Variants in VIRMA observed in about 807,000 individuals in gnomAD.
The protein encoded by VIRMA is protein virilizer homolog.
Under a neutral mutation model 182.4 loss-of-function variants are expected in VIRMA, and 65 were observed. The ratio of observed to expected loss-of-function variants is 0.36; its 90% CI spans 0.29 to 0.44. VIRMA has a LOEUF of 0.44. Ranked by LOEUF, VIRMA falls within the 20% of genes least tolerant of loss-of-function variation. The pLI is 1.00. For synonymous variants in VIRMA, 709 were observed against 743.1 expected (o/e 0.95, Z 0.75); for missense variants, 1,752 against 2,158.1 (o/e 0.81, Z 3.73).
chr8:94,532,646 C>G (rs143000225), intron 5 of VIRMA, among the ~76,000 whole-genome samples: 350 of 152,236 alleles, frequency 2.3e-3, no homozygotes, highest in African/African-American at 8.1e-3. Context: ...TTGCAACCTC[C>G]TGTCAATCTA....
In VIRMA at chr8:94,511,553, A is replaced by C. The variant is rs1563464243; in HGVS notation, c.3022T>G (p.Cys1008Gly). 1 of 1,614,182 alleles carries C rather than the reference A, an allele frequency of 6.2e-7. No homozygotes were observed. Among genetic ancestry groups the C allele is most frequent in the Non-Finnish European group, 8.5e-7 (1 of 1,180,008 alleles). The change falls in exon 13 of 24, where the codon TGC (cysteine) becomes GGC (glycine). Residue 1008 changes from cysteine to glycine, a missense_variant. By Grantham distance (159) the Cys-to-Gly change is radical. Transcript: ENST00000297591. Reference sequence around the variant, plus strand: ...ATAGTTTTAAGAAGAGTGAGTGTGCAGCGAGCCATTGAAATAGTAGTAACT... The same window carrying C: ...ATAGTTTTAAGAAGAGTGAGTGTGCCGCGAGCCATTGAAATAGTAGTAACT... Reference protein sequence around the residue: ...HRVTTISMARCTLTLLKTMLT... With the variant: ...HRVTTISMARGTLTLLKTMLT...
intron 7 of VIRMA, among the ~76,000 whole-genome samples, chr8:94,528,404 A>G (rs1282001045): frequency 6.6e-6 from 1 of 152,164 alleles, no homozygotes; most frequent in Non-Finnish European, 1.5e-5. Context: ...AAGAGCCCCT[A>G]TGATTCTGAA....
In VIRMA at chr8:94,553,460, C is replaced by G. The variant is rs769226207; in HGVS notation, c.-13G>C. On this transcript the variant is annotated 5_prime_UTR_variant, in exon 1 of 24. Transcript: ENST00000297591. ...AGTCCACCGCCATGTTTGCCGCGGG[C>G]GGGGAACAGGGGGGAGGACTTCCGG... 5.0e-6 allele frequency: 8 copies of G among 1,613,822 alleles called. No individual in the cohort carries two copies. The highest frequency in any genetic ancestry group is 2.7e-5 in the African/African-American group (2 of 74,908).
At chr8:94,551,529 A>G (rs748105936) in intron 1 of VIRMA, among the ~76,000 whole-genome samples, 3 of 152,206 alleles carry the variant, frequency 2.0e-5, no homozygotes, top group Non-Finnish European at 4.4e-5. Context: ...CTTGATTTAA[A>G]TGTGATCTCT....
At chr8:94,552,508 C>A (rs1308249571) in intron 1 of VIRMA, among the ~76,000 whole-genome samples, 1 of 151,210 alleles carries the variant, frequency 6.6e-6, no homozygotes, top group Non-Finnish European at 1.5e-5. Flanking sequence ...AAAATAATCT[C>A]CAAAGAAAGA....
chr8:94,500,131 G>A (rs1813919441), intron 16 of VIRMA, among the ~76,000 whole-genome samples: 1 of 151,172 alleles, frequency 6.6e-6, no homozygotes, highest in Non-Finnish European at 1.5e-5. Context: ...CAGGCGCGGT[G>A]GCTCACACCT....
At chr8:94,519,552 T>C in intron 8 of VIRMA, 76 bp from the exon 9 acceptor site, 1 of 1,448,818 alleles carries the variant, frequency 6.9e-7, no homozygotes, top group Non-Finnish European at 9.2e-7. Context: ...GACAAGACAC[T>C]GATAAAAATT....
chr8:94,531,229 A>C, intron 5 of VIRMA, 144 bp from the exon 6 acceptor site: 3 of 880,730 alleles, frequency 3.4e-6, no homozygotes, highest in Non-Finnish European at 4.7e-6. Context: ...AGGGATGCAA[A>C]ATCTGCATAT....
At chr8:94,500,930 T>G (rs1175010038) in intron 16 of VIRMA, among the ~76,000 whole-genome samples, 1 of 151,916 alleles carries the variant, frequency 6.6e-6, no homozygotes, top group African/African-American at 2.4e-5. Flanking sequence ...AACATAAATT[T>G]GACTAGATAT....
At position 94,490,741 on chromosome 8, in the gene VIRMA, G is replaced by A. The variant is rs148733547; in HGVS notation, c.5141-659C>T. Reference sequence around the variant, plus strand: ...GCATGCCTATAATCCCAGTTACTCGGGAGGTTGAAGCAGGAGAATCGCTTA... The same window carrying A: ...GCATGCCTATAATCCCAGTTACTCGAGAGGTTGAAGCAGGAGAATCGCTTA... On this transcript the variant is annotated intron_variant, in intron 22 of 23. Coordinates refer to ENST00000297591, the MANE Select transcript of VIRMA (RefSeq NM_015496.5). Among the ~76,000 whole-genome samples, 68 of 152,102 alleles carry A rather than the reference G, an allele frequency of 4.5e-4. No homozygotes were observed. The East Asian group carries it at 0.013, about 29-fold the overall frequency.
At chr8:94,528,245 A>AG (rs1343603682) in intron 7 of VIRMA, among the ~76,000 whole-genome samples, 1 of 151,756 alleles carries the variant, frequency 6.6e-6, no homozygotes, top group East Asian at 1.9e-4. Context: ...AAAAAAAAAA[A>AG]AAAAAGAAAG....
rs550047879 is a variant in VIRMA at position 94,526,317 on chromosome 8, G to T, written c.1927C>A (p.His643Asn). The part of the protein sequence containing the change: ...EVFHLMETAP[H>N]TMIQQPVKSF... ...TTAACAGGTTGTTGGATCATTGTAT[G>T]AGGGGCAGTTTCCATTAAATGAAAA... Residue 643 changes from histidine (H) to asparagine (N), a missense_variant, in exon 8 of 24, where the codon CAT (histidine) becomes AAT (asparagine). By Grantham distance (68) the His-to-Asn change is moderately conservative (BLOSUM62 1). Coordinates refer to ENST00000297591, the MANE Select transcript of VIRMA (RefSeq NM_015496.5). 2 of 1,613,796 alleles carry T rather than the reference G, an allele frequency of 1.2e-6. No homozygotes were observed. The highest frequency in any genetic ancestry group is 1.7e-6 in the Non-Finnish European group (2 of 1,179,792).
intron 15 of VIRMA, among the ~76,000 whole-genome samples, chr8:94,508,348 T>C (rs1461831131): frequency 2.6e-5 from 4 of 152,148 alleles, no homozygotes; most frequent in Non-Finnish European, 5.9e-5. Flanking sequence ...CTTCCCAAAG[T>C]GCTAGGATTA....
chr8:94,540,002 T>A (rs1483388070), intron 2 of VIRMA, among the ~76,000 whole-genome samples: 1 of 152,202 alleles, frequency 6.6e-6, no homozygotes, highest in East Asian at 1.9e-4. Context: ...CTCCAGAACT[T>A]TGAGATATAA....
At position 94,488,814 on chromosome 8, in the gene VIRMA, T is replaced by C. The variant is rs779789643; in HGVS notation, c.5331A>G (p.Gly1777=). ...PRDRASRGRG[G]LGPSWASANS... ...TTGCACTAGCCCAGGAAGGTCCAAGTCCCCCACGACCTCTAGAAGCACGGT... is the reference window on the plus strand; with the variant it reads ...TTGCACTAGCCCAGGAAGGTCCAAGCCCCCCACGACCTCTAGAAGCACGGT... Residue 1777 remains glycine (G), a synonymous_variant, in exon 24 of 24, where the codon GGA becomes GGG. Coordinates refer to ENST00000297591, the MANE Select transcript of VIRMA (RefSeq NM_015496.5). 3 of 1,614,124 alleles carry C rather than the reference T, an allele frequency of 1.9e-6. No individual in the cohort carries two copies. Among genetic ancestry groups the C allele is most frequent in the Non-Finnish European group, 2.5e-6 (3 of 1,180,000 alleles).
intron 1 of VIRMA, chr8:94,546,959 G>A: frequency 2.2e-6 from 1 of 455,084 alleles, no homozygotes; most frequent in Non-Finnish European, 4.4e-6. Flanking sequence ...TCATTTTTAT[G>A]CCCTCACTCA....
At chr8:94,516,671 C>G (rs1327574374) in intron 10 of VIRMA, among the ~76,000 whole-genome samples, 1 of 151,942 alleles carries the variant, frequency 6.6e-6, no homozygotes, top group East Asian at 1.9e-4. Flanking sequence ...AATAATAAAA[C>G]AAATACCAGA....
At chr8:94,515,118 G>A (rs139945987) in intron 10 of VIRMA, among the ~76,000 whole-genome samples, 167 bp from the exon 11 acceptor site, 4,328 of 148,432 alleles carry the variant, frequency 0.029, 212 homozygotes, top group African/African-American at 0.1. Flanking sequence ...TTTTTGAGAC[G>A]GAGTTTCGCT....
chr8:94,500,064 A>C (rs913160664), intron 16 of VIRMA, among the ~76,000 whole-genome samples: 15 of 151,234 alleles, frequency 9.9e-5, no homozygotes, highest in Non-Finnish European at 1.8e-4. Context: ...AAAAAAAAAA[A>C]AAAAAAAAAA....
Sources: gnomAD v4.1 joint callset for allele counts (sites outside exome capture counted in the v4.1 genomes callset) on GRCh38, gnomAD v4.1.1 for gene constraint, MANE v1.5 for transcripts, NCBI Gene and HGNC (gene_info 2026-07-23, HGNC 2026-07-21) for gene names.